COL14A1: variants seen among roughly 807,000 people sequenced by gnomAD.
COL14A1 encodes collagen type XIV alpha 1 chain.
Under a neutral mutation model 230.3 loss-of-function variants are expected in COL14A1, and 136 were observed. That is an observed-to-expected ratio of 0.59 (90% confidence interval 0.51 to 0.68). The LOEUF (loss-of-function observed/expected upper bound fraction) is 0.68. COL14A1 is among the 30% of genes least tolerant of loss of function. The pLI, the probability that COL14A1 is intolerant of heterozygous loss-of-function variation, is 0.00. For synonymous variants in COL14A1, 792 were observed against 784.1 expected (o/e 1.01, Z -0.17); for missense variants, 1,976 against 2,215.8 (o/e 0.89, Z 2.17).
intron 5 of COL14A1, among the ~76,000 whole-genome samples, chr8:120,185,966 G>T (rs924326398): frequency 2.0e-5 from 3 of 152,022 alleles, no homozygotes; most frequent in African/African-American, 7.2e-5. Flanking sequence ...TAGAAATGGG[G>T]TTTCACCATT....
chr8:120,128,708 C>T (rs1307012305), intron 1 of COL14A1, among the ~76,000 whole-genome samples: 2 of 152,168 alleles, frequency 1.3e-5, no homozygotes, highest in Non-Finnish European at 2.9e-5. Context: ...AGTTTAGAGC[C>T]TAGACTCCCC....
intron 15 of COL14A1, 25 bp from the exon 16 acceptor site, chr8:120,226,602 C>G: frequency 6.2e-7 from 1 of 1,610,914 alleles, no homozygotes; most frequent in Middle Eastern, 1.7e-4. Context: ...ATTTCCCTAA[C>G]AAAACCTCCT....
chr8:120,176,750 C>T (rs1037395234), intron 5 of COL14A1, among the ~76,000 whole-genome samples: 2 of 152,036 alleles, frequency 1.3e-5, no homozygotes, highest in Admixed American at 6.5e-5. Flanking sequence ...TAAGTGTGGG[C>T]TAGAATTTAT....
At chr8:120,342,904 C>T (rs1822358372) in intron 44 of COL14A1, among the ~76,000 whole-genome samples, 1 of 152,176 alleles carries the variant, frequency 6.6e-6, no homozygotes, top group Admixed American at 6.5e-5. Flanking sequence ...ACATCCATTA[C>T]CTTCTGGCTA....
intron 21 of COL14A1, among the ~76,000 whole-genome samples, chr8:120,248,534 A>G (rs1472411899): frequency 6.6e-6 from 1 of 152,150 alleles, no homozygotes; most frequent in African/African-American, 2.4e-5. Flanking sequence ...GGGCAGGAAA[A>G]TTTTAAAAAC....
intron 36 of COL14A1, 53 bp downstream of exon 36, chr8:120,300,871 T>C: frequency 7.3e-7 from 1 of 1,379,100 alleles, no homozygotes; most frequent in Non-Finnish European, 1.0e-6. Context: ...TTAATAGCTA[T>C]CACTTGTGTG....
intron 13 of COL14A1, among the ~76,000 whole-genome samples, chr8:120,212,967 A>G (rs1451028482): frequency 3.9e-5 from 6 of 152,212 alleles, no homozygotes; most frequent in Non-Finnish European, 8.8e-5. Flanking sequence ...AAGGAAGAAC[A>G]ATAATCTTGC....
At chr8:120,309,093 C>G (rs1820945392) in intron 36 of COL14A1, among the ~76,000 whole-genome samples, 1 of 152,088 alleles carries the variant, frequency 6.6e-6, no homozygotes, top group African/African-American at 2.4e-5. Context: ...CGCCACCACG[C>G]CCGGCTAATT....
intron 23 of COL14A1, 99 bp from the exon 24 acceptor site, chr8:120,262,769 C>A: frequency 8.5e-7 from 1 of 1,175,428 alleles, no homozygotes; most frequent in Non-Finnish European, 1.2e-6. Flanking sequence ...CTGATGTGGG[C>A]TAACATGTGA....
At chr8:120,129,734 G>A (rs4407920) in intron 1 of COL14A1, among the ~76,000 whole-genome samples, 76,080 of 152,048 alleles carry the variant, frequency 0.5, 19,389 homozygotes, top group East Asian at 0.63. Context: ...CACAACTTGG[G>A]AGCAGAGTGT....
At chr8:120,267,247 T>G (rs1282245694) in intron 25 of COL14A1, among the ~76,000 whole-genome samples, 1 of 151,946 alleles carries the variant, frequency 6.6e-6, no homozygotes, top group Non-Finnish European at 1.5e-5. Flanking sequence ...TTCAGTCGTT[T>G]TTTCTTTCCT....
rs531996459 is a variant in COL14A1, at chr8:120,128,607, C to T, written c.-38+3267C>T. Among the ~76,000 whole-genome samples, 384 of 152,180 alleles carry T rather than the reference C, an allele frequency of 2.5e-3. 2 individuals are homozygous for T. Among genetic ancestry groups the T allele is most frequent in the African/African-American group, 7.8e-3 (325 of 41,524 alleles). ...AAGATTAGCTGGGCGTGGTGGTGGGCACCTGTAATCCTAGATACTTGGGAG... is the reference window on the plus strand; with the variant it reads ...AAGATTAGCTGGGCGTGGTGGTGGGTACCTGTAATCCTAGATACTTGGGAG... On this transcript the variant is annotated intron_variant, in intron 1 of 47. Coordinates refer to ENST00000297848, the MANE Select transcript of COL14A1 (RefSeq NM_021110.4).
chr8:120,236,479 T>C (rs906207140), intron 19 of COL14A1, among the ~76,000 whole-genome samples: 6 of 152,134 alleles, frequency 3.9e-5, no homozygotes, highest in African/African-American at 1.4e-4. Context: ...TGGTAAATAT[T>C]CCTCCATCCC....
chr8:120,184,176 GT>G (rs1816568147), intron 5 of COL14A1, among the ~76,000 whole-genome samples: 1 of 151,922 alleles, frequency 6.6e-6, no homozygotes. Flanking sequence ...AGGAAAGTGT[GT>G]GTGTATGTGT....
At chr8:120,272,107 C>G (rs945480269) in intron 26 of COL14A1, among the ~76,000 whole-genome samples, 6 of 151,566 alleles carry the variant, frequency 4.0e-5, no homozygotes, top group Non-Finnish European at 8.9e-5. Context: ...TTTGCAGAAA[C>G]CTTACAAGAC....
chr8:120,219,114 G>T (rs1817851650), intron 14 of COL14A1, among the ~76,000 whole-genome samples: 1 of 151,746 alleles, frequency 6.6e-6, no homozygotes, highest in Admixed American at 6.6e-5. Flanking sequence ...CTTGCCTGGG[G>T]AACTTTTGTT....
At chr8:120,230,020 A>G (rs1818220600) in intron 18 of COL14A1, among the ~76,000 whole-genome samples, 1 of 152,116 alleles carries the variant, frequency 6.6e-6, no homozygotes, top group Non-Finnish European at 1.5e-5. Flanking sequence ...AGCTGGGACT[A>G]CAGACATGTG....
chr8:120,364,708 CGTT>C, intron 45 of COL14A1, among the ~76,000 whole-genome samples: 1 of 152,102 alleles, frequency 6.6e-6, no homozygotes. Context: ...AATGGTGAAA[CGTT>C]GTCTCTACTA....
At chr8:120,327,534 A>T (rs1048982359) in intron 40 of COL14A1, among the ~76,000 whole-genome samples, 10 of 152,110 alleles carry the variant, frequency 6.6e-5, no homozygotes, top group African/African-American at 2.2e-4. Flanking sequence ...TGCTTCTAGG[A>T]TCCTAACCTT....
Sources: gnomAD v4.1 joint callset for allele counts (sites outside exome capture counted in the v4.1 genomes callset) on GRCh38, gnomAD v4.1.1 for gene constraint, MANE v1.5 for transcripts, NCBI Gene and HGNC (gene_info 2026-07-23, HGNC 2026-07-21) for gene names.